Variants in DPP10 observed in about 807,000 individuals in gnomAD.
DPP10 encodes inactive dipeptidyl peptidase 10.
Under a neutral mutation model 120.9 loss-of-function variants are expected in DPP10, and 33 were observed. The ratio of observed to expected loss-of-function variants is 0.27; its 90% CI spans 0.21 to 0.37. DPP10 has a LOEUF of 0.37. Ranked by LOEUF, DPP10 falls within the 10% of genes least tolerant of loss-of-function variation. The pLI, the probability that DPP10 is intolerant of heterozygous loss-of-function variation, is 1.00. For missense variants in DPP10, 816 were observed against 942.8 expected, an observed-to-expected ratio of 0.87 and a Z score of 1.76; for synonymous variants, 337 against 326.1, an observed-to-expected ratio of 1.03 and a Z score of -0.36.
chr2:115,588,643 A>G (rs1378428190), intron 5 of DPP10, among the ~76,000 whole-genome samples: 4 of 152,258 alleles, frequency 2.6e-5, no homozygotes, highest in Non-Finnish European at 5.9e-5. Context: ...TCAGTCCCAC[A>G]TCAAAAGATG....
intron 1 of DPP10, among the ~76,000 whole-genome samples, chr2:115,033,080 G>C (rs952570713): frequency 6.6e-6 from 1 of 152,110 alleles, no homozygotes; most frequent in Non-Finnish European, 1.5e-5. Context: ...CCAGCAGTCA[G>C]GTGATCTGTT....
chr2:115,055,963 A>G (rs890250006), intron 1 of DPP10, among the ~76,000 whole-genome samples: 2 of 152,238 alleles, frequency 1.3e-5, no homozygotes, highest in Admixed American at 6.5e-5. Context: ...TAGAAATTAT[A>G]AAGGATGTAA....
chr2:115,067,318 C>T (rs1169020593), intron 1 of DPP10, among the ~76,000 whole-genome samples: 1 of 151,832 alleles, frequency 6.6e-6, no homozygotes, highest in Non-Finnish European at 1.5e-5. Context: ...GTGGCGCCAT[C>T]TCTGCTCACT....
chr2:114,882,256 T>G (rs1232387928), intron 1 of DPP10, among the ~76,000 whole-genome samples: 2 of 151,956 alleles, frequency 1.3e-5, no homozygotes, highest in Non-Finnish European at 2.9e-5. Context: ...GGAACCAAAT[T>G]GAATGCCTAT....
chr2:115,656,772 A>G (rs1403790413), intron 5 of DPP10, among the ~76,000 whole-genome samples: 1 of 151,750 alleles, frequency 6.6e-6, no homozygotes, highest in Non-Finnish European at 1.5e-5. Flanking sequence ...TAAGATAGAC[A>G]TAAACACAAC....
chr2:115,375,382 A>G (rs1293366851), intron 3 of DPP10, among the ~76,000 whole-genome samples: 1 of 152,208 alleles, frequency 6.6e-6, no homozygotes, highest in Non-Finnish European at 1.5e-5. Flanking sequence ...TTTCCACCTG[A>G]GATGACCTCA....
intron 1 of DPP10, among the ~76,000 whole-genome samples, chr2:114,894,849 T>A (rs1692834368): frequency 6.6e-6 from 1 of 152,008 alleles, no homozygotes; most frequent in Non-Finnish European, 1.5e-5. Flanking sequence ...AAATAATTGA[T>A]TAAGGAATAA....
intron 1 of DPP10, among the ~76,000 whole-genome samples, chr2:115,003,071 T>C (rs551635423): frequency 2.0e-5 from 3 of 151,862 alleles, no homozygotes; most frequent in Admixed American, 6.6e-5. Context: ...TGTATGTTCA[T>C]TGCAGCACTA....
chr2:114,809,729 T>C (rs978015477), intron 1 of DPP10, among the ~76,000 whole-genome samples: 6 of 152,138 alleles, frequency 3.9e-5, no homozygotes, highest in Non-Finnish European at 8.8e-5. Flanking sequence ...GCAGTGACTC[T>C]TTACCTGCAT....
intron 5 of DPP10, among the ~76,000 whole-genome samples, chr2:115,679,523 TC>T (rs2090506447): frequency 6.6e-6 from 1 of 152,192 alleles, no homozygotes; most frequent in African/African-American, 2.4e-5. Flanking sequence ...AAACCTCTTT[TC>T]TTTGTAAATT....
intron 5 of DPP10, among the ~76,000 whole-genome samples, chr2:115,539,001 C>G (rs1418575921): frequency 6.6e-6 from 1 of 151,820 alleles, no homozygotes; most frequent in Non-Finnish European, 1.5e-5. Context: ...TCTTTATTTT[C>G]TATGAACATA....
chr2:115,282,692 C>G (rs1273474713), intron 1 of DPP10, among the ~76,000 whole-genome samples: 1 of 152,036 alleles, frequency 6.6e-6, no homozygotes, highest in East Asian at 1.9e-4. Context: ...GTGCCAGAGC[C>G]TAGTTAAATG....
intron 1 of DPP10, among the ~76,000 whole-genome samples, chr2:114,669,821 C>T (rs1487499651): frequency 6.6e-6 from 1 of 152,088 alleles, no homozygotes; most frequent in East Asian, 1.9e-4. Flanking sequence ...TTTAAGTCAC[C>T]TCCTTTCATC....
At chr2:114,451,224 T>C (rs995702404) in intron 1 of DPP10, among the ~76,000 whole-genome samples, 1 of 151,968 alleles carries the variant, frequency 6.6e-6, no homozygotes, top group African/African-American at 2.4e-5. Flanking sequence ...TAAAATAGAA[T>C]GAAAGAACAA....
intron 1 of DPP10, among the ~76,000 whole-genome samples, chr2:115,101,013 C>T (rs1237774415): frequency 1.3e-5 from 2 of 152,100 alleles, no homozygotes; most frequent in African/African-American, 4.8e-5. Context: ...AGTTTTTACC[C>T]ACATGCTGAG....
chr2:114,950,154 C>T (rs1014542221), intron 1 of DPP10, among the ~76,000 whole-genome samples: 1 of 152,092 alleles, frequency 6.6e-6, no homozygotes, highest in African/African-American at 2.4e-5. Flanking sequence ...TAATGCAAGC[C>T]TATCTTGTCT....
chr2:114,715,603 T>C (rs563531742), intron 1 of DPP10, among the ~76,000 whole-genome samples: 1 of 151,886 alleles, frequency 6.6e-6, no homozygotes, highest in African/African-American at 2.4e-5. Context: ...AAAAAAAAAG[T>C]ACATGTTGAA....
At chr2:114,661,534 G>C (rs902840887) in intron 1 of DPP10, among the ~76,000 whole-genome samples, 1 of 152,112 alleles carries the variant, frequency 6.6e-6, no homozygotes, top group African/African-American at 2.4e-5. Flanking sequence ...TCCCTGTAAG[G>C]ATTCAGGCAA....
chr2:114,733,235 C>A (rs1677091277), intron 1 of DPP10, among the ~76,000 whole-genome samples: 1 of 152,114 alleles, frequency 6.6e-6, no homozygotes, highest in African/African-American at 2.4e-5. Flanking sequence ...CACTTATTTC[C>A]TGGTCCCATC....
Sources: allele counts gnomAD v4.1 joint callset (sites outside exome capture counted in the v4.1 genomes callset), GRCh38; gene constraint gnomAD v4.1.1; transcripts MANE v1.5; gene names NCBI Gene and HGNC (gene_info 2026-07-23, HGNC 2026-07-21).